Variants in NXPE2 observed in about 807,000 individuals in gnomAD.
NXPE2 encodes the protein neurexophilin and PC-esterase domain family member 2.
Under a neutral mutation model 34.4 loss-of-function variants are expected in NXPE2, and 34 were observed. That is an observed-to-expected ratio of 0.99 (90% CI 0.75 to 1.31). The LOEUF is 1.31. Among genes scored for constraint, NXPE2 ranks in the 40% most tolerant of loss-of-function variants. The pLI is 0.00. For synonymous variants in NXPE2, 235 were observed against 231.3 expected, an observed-to-expected ratio of 1.02 and a Z score of -0.15; for missense variants, 649 against 672.5, an observed-to-expected ratio of 0.97 and a Z score of 0.39.
chr11:114,765,891 C>T, the NXPE2 span, among the ~76,000 whole-genome samples: 1 of 152,200 alleles, frequency 6.6e-6, no homozygotes, highest in Admixed American at 6.5e-5. Context: ...CAGTACATCT[C>T]TCCAGCCCTG....
At chr11:114,489,990 G>T in the NXPE2 span, among the ~76,000 whole-genome samples, 1 of 152,170 alleles carries the variant, frequency 6.6e-6, no homozygotes, top group Non-Finnish European at 1.5e-5. Flanking sequence ...TCCTCAAGCT[G>T]ATAAGCAACT....
chr11:114,796,944 T>C, the NXPE2 span, among the ~76,000 whole-genome samples: 1 of 152,200 alleles, frequency 6.6e-6, no homozygotes, highest in Non-Finnish European at 1.5e-5. Context: ...GACTGAAATA[T>C]GATTTGTTTG....
chr11:114,652,525 G>A, the NXPE2 span, among the ~76,000 whole-genome samples: 1 of 152,186 alleles, frequency 6.6e-6, no homozygotes, highest in South Asian at 2.1e-4. Context: ...TCATCTCTAA[G>A]GGCTGTTTTG....
chr11:114,647,728 A>C, the NXPE2 span, among the ~76,000 whole-genome samples: 1 of 151,062 alleles, frequency 6.6e-6, no homozygotes, highest in East Asian at 1.9e-4. Flanking sequence ...TTGAGACAGA[A>C]TCTCACTCTG....
chr11:114,601,969 ATATTCTG>A, the NXPE2 span, among the ~76,000 whole-genome samples: 2 of 85,858 alleles, frequency 2.3e-5, no homozygotes, highest in African/African-American at 9.4e-5. Context: ...TATATATTAT[ATATTCTG>A]TTATATATAA....
At chr11:114,544,961 A>G in the NXPE2 span, among the ~76,000 whole-genome samples, 1 of 152,180 alleles carries the variant, frequency 6.6e-6, no homozygotes, top group Non-Finnish European at 1.5e-5. Context: ...ATATATAAAA[A>G]AGACACTCAA....
chr11:114,596,967 C>T, the NXPE2 span, among the ~76,000 whole-genome samples: 1 of 152,098 alleles, frequency 6.6e-6, no homozygotes, highest in African/African-American at 2.4e-5. Flanking sequence ...GGGCTGAATC[C>T]AAGATTCCTT....
the NXPE2 span, among the ~76,000 whole-genome samples, chr11:114,646,055 T>C: frequency 1.3e-5 from 2 of 152,140 alleles, no homozygotes; most frequent in Non-Finnish European, 2.9e-5. Flanking sequence ...AGATATGATA[T>C]GATCTGCAAA....
the NXPE2 span, among the ~76,000 whole-genome samples, chr11:114,485,283 A>G: frequency 1.9e-3 from 287 of 151,356 alleles, no homozygotes; most frequent in African/African-American, 6.8e-3. Context: ...ATCTTGGCTC[A>G]CTGCATCCTC....
At chr11:114,734,148 G>T in the NXPE2 span, among the ~76,000 whole-genome samples, 1 of 152,066 alleles carries the variant, frequency 6.6e-6, no homozygotes, top group Non-Finnish European at 1.5e-5. Flanking sequence ...CTTCAATTAG[G>T]TGTAAATTTT....
intron 2 of NXPE2, among the ~76,000 whole-genome samples, chr11:114,687,568 T>C (rs991210769): frequency 6.6e-6 from 1 of 152,142 alleles, no homozygotes; most frequent in Non-Finnish European, 1.5e-5. Context: ...CTGTATTCTT[T>C]TTTGCTTAGG....
the NXPE2 span, among the ~76,000 whole-genome samples, chr11:114,522,712 C>A: frequency 3.3e-5 from 5 of 152,200 alleles, no homozygotes; most frequent in East Asian, 9.6e-4. Flanking sequence ...AGAAGACCAA[C>A]ATTTCTTATG....
the NXPE2 span, among the ~76,000 whole-genome samples, chr11:114,481,574 A>C: frequency 4.0e-5 from 6 of 151,698 alleles, no homozygotes; most frequent in Non-Finnish European, 7.4e-5. Flanking sequence ...AAGAACAACA[A>C]CACAGATCAT....
the NXPE2 span, chr11:114,570,883 A>G: frequency 7.9e-7 from 1 of 1,266,732 alleles, no homozygotes; most frequent in Non-Finnish European, 1.1e-6. Context: ...GCCTGCTAGT[A>G]GACAGTCAAT....
At chr11:114,709,512 C>A (rs1271553790), downstream of NXPE2, among the ~76,000 whole-genome samples, 3 of 152,194 alleles carry the variant, frequency 2.0e-5, no homozygotes, top group African/African-American at 7.2e-5. Context: ...ATATACAAGA[C>A]TTGAGCAAGC....
the NXPE2 span, among the ~76,000 whole-genome samples, chr11:114,653,478 T>G: frequency 6.6e-6 from 1 of 152,088 alleles, no homozygotes; most frequent in African/African-American, 2.4e-5. Flanking sequence ...CTTGGGTGCT[T>G]GTACTCCGTA....
At chr11:114,528,031 T>G in the NXPE2 span, 4 of 605,092 alleles carry the variant, frequency 6.6e-6, no homozygotes, top group East Asian at 1.2e-4. Flanking sequence ...TGTTGTAAAT[T>G]TTAGATATAT....
At chr11:114,530,814 G>A in the NXPE2 span, 6 of 1,614,218 alleles carry the variant, frequency 3.7e-6, no homozygotes, top group Non-Finnish European at 5.1e-6. Context: ...CTCTGTTAGT[G>A]GCTTTAATGG....
At position 114,698,637 on chromosome 11, in the gene NXPE2, G is replaced by A. The variant is rs755118058; in HGVS notation, c.725G>A (p.Cys242Tyr). 2 of 1,614,152 alleles carry A rather than the reference G, an allele frequency of 1.2e-6. No homozygotes were observed. The highest frequency in any genetic ancestry group is 2.2e-5 in the South Asian group (2 of 91,074). ...ACCCTAAACACAAATGCTGAACTGT[G>A]CCAGTACATGGATGACAGAGACCAA... is the stretch of plus-strand genomic sequence containing the variant. Reference protein sequence around the residue: ...GLTLNTNAELCQYMDDRDQEA... With the variant: ...GLTLNTNAELYQYMDDRDQEA... Residue 242 changes from cysteine (C) to tyrosine (Y), a missense_variant, in exon 3 of 6, where the codon TGC becomes TAC. Physicochemically the swap from Cys to Tyr is radical, Grantham distance 194. Transcript: ENST00000389586.
Sources: gnomAD v4.1 joint callset for allele counts (sites outside exome capture counted in the v4.1 genomes callset) on GRCh38, gnomAD v4.1.1 for gene constraint, MANE v1.5 for transcripts, NCBI Gene and HGNC (gene_info 2026-07-23, HGNC 2026-07-21) for gene names.